The following NIPSNAP1 variants were observed in gnomAD, a reference collection of about 807,000 sequenced individuals.
The protein encoded by NIPSNAP1 is nipsnap homolog 1, also known as protein NipSnap homolog 1.
A neutral mutation model predicts 49.2 loss-of-function variants in NIPSNAP1; 25 were observed. That is an observed-to-expected ratio of 0.51 (90% CI 0.37 to 0.71). The LOEUF (loss-of-function observed/expected upper bound fraction) is 0.71, where lower values mean the gene tolerates loss of function less well. Among genes scored for constraint, NIPSNAP1 ranks in the 30% least tolerant of loss-of-function variants. The pLI is 0.00. For missense variants in NIPSNAP1, 294 were observed against 361.0 expected, an observed-to-expected ratio of 0.81 and a Z score of 1.50; for synonymous variants, 143 against 140.7, an observed-to-expected ratio of 1.02 and a Z score of -0.12.
At chr22:29,576,927 A>T (rs937320789) in intron 1 of NIPSNAP1, among the ~76,000 whole-genome samples, 7 of 149,882 alleles carry the variant, frequency 4.7e-5, no homozygotes, top group Admixed American at 1.3e-4. Context: ...TCCGTCTCAA[A>T]AAAAAAAAAA....
chr22:29,574,289 A>AAAAAAAAAAAAAAAGAAAGAAAAAG (rs2064434492), intron 1 of NIPSNAP1, among the ~76,000 whole-genome samples: 20 of 125,306 alleles, frequency 1.6e-4, no homozygotes, highest in African/African-American at 6.5e-4. Context: ...AAAAAAAAAA[A>AAAAAAAAAAAAAAAGAAAGAAAAAG]AAAGAAAGAA....
chr22:29,557,843 G>C (rs542056467), intron 9 of NIPSNAP1, among the ~76,000 whole-genome samples: 11 of 152,264 alleles, frequency 7.2e-5, no homozygotes, highest in Admixed American at 5.2e-4. Context: ...ACAGGCTCTT[G>C]TTCATTTATG....
At chr22:29,567,520 G>A (rs945276685) in intron 4 of NIPSNAP1, among the ~76,000 whole-genome samples, 1 of 152,104 alleles carries the variant, frequency 6.6e-6, no homozygotes, top group Non-Finnish European at 1.5e-5. Flanking sequence ...AGGAAATCTC[G>A]GCAGCCTTCC....
intron 4 of NIPSNAP1, among the ~76,000 whole-genome samples, chr22:29,566,894 C>T (rs188040562): frequency 3.9e-5 from 6 of 151,980 alleles, no homozygotes; most frequent in East Asian, 3.9e-4. Flanking sequence ...GAGGCTCAGG[C>T]GGGAGGATCA....
chr22:29,574,381 T>A (rs2064435895), intron 1 of NIPSNAP1, among the ~76,000 whole-genome samples: 1 of 152,066 alleles, frequency 6.6e-6, no homozygotes, highest in Non-Finnish European at 1.5e-5. Flanking sequence ...GCTAAATTTT[T>A]CTTTATTCAT....
In NIPSNAP1 at chr22:29,561,859, T is replaced by C; in HGVS notation, c.371A>G (p.His124Arg). ...GTAGCCACCTGAGAATCGCCACAGG[T>C]GCACTGTTGGGGGTGAGAGGTATAG... Reference protein sequence around the residue: ...TWYGEQDQAVHLWRFSGGYPA... With the variant: ...TWYGEQDQAVRLWRFSGGYPA... The change falls in exon 5 of 10, where the codon CAC becomes CGC. Residue 124 changes from histidine to arginine, a missense_variant. Physicochemically the swap from His to Arg is conservative, Grantham distance 29. This residue lies in a region of NIPSNAP1 where 146 missense variants were observed against 219.9 expected (regional missense o/e 0.66). Coordinates refer to ENST00000216121, the MANE Select transcript of NIPSNAP1 (RefSeq NM_003634.4). 1 of 1,613,942 alleles carries C rather than the reference T, an allele frequency of 6.2e-7. No homozygotes were observed.
intron 6 of NIPSNAP1, 85 bp from the exon 7 acceptor site, chr22:29,561,287 CT>C: frequency 6.5e-7 from 1 of 1,541,670 alleles, no homozygotes; most frequent in Non-Finnish European, 8.9e-7. Flanking sequence ...GGAAACTGCC[CT>C]GTCTCCCCAC....
At chr22:29,562,474 G>A (rs1232164358) in intron 4 of NIPSNAP1, among the ~76,000 whole-genome samples, 2 of 152,146 alleles carry the variant, frequency 1.3e-5, no homozygotes, top group Non-Finnish European at 1.5e-5. Flanking sequence ...AGCATTTTGC[G>A]GGGCTGAGGT....
At chr22:29,570,135 T>G in intron 3 of NIPSNAP1, 27 bp downstream of exon 3, 2 of 1,609,410 alleles carry the variant, frequency 1.2e-6, no homozygotes, top group Non-Finnish European at 1.7e-6. Context: ...AAGCAGGGGA[T>G]GGGATGTATG....
At chr22:29,580,344 A>T in intron 1 of NIPSNAP1, 1 of 895,440 alleles carries the variant, frequency 1.1e-6, no homozygotes, top group Non-Finnish European at 1.3e-6. Flanking sequence ...GGGCCCAAAC[A>T]AAAGCCCAGG....
rs370510258 is a variant in NIPSNAP1, at chr22:29,576,758, T to C, written c.98+4227A>G. Among the ~76,000 whole-genome samples, 11 of 151,296 alleles carry C rather than the reference T, an allele frequency of 7.3e-5. No individual in the cohort carries two copies. In the East Asian group the frequency reaches 1.9e-3, roughly 27 times the overall value. On this transcript the variant is annotated intron_variant, in intron 1 of 9. Coordinates refer to ENST00000216121, the MANE Select transcript of NIPSNAP1 (RefSeq NM_003634.4). ...GGCCAAGATGGTGAAACCCCGTCTGTACTAAAAATACAAAAAATTAGCTGG... is the reference window on the plus strand; with the variant it reads ...GGCCAAGATGGTGAAACCCCGTCTGCACTAAAAATACAAAAAATTAGCTGG...
intron 1 of NIPSNAP1, among the ~76,000 whole-genome samples, chr22:29,578,721 G>A (rs1438442432): frequency 2.0e-5 from 3 of 151,132 alleles, no homozygotes; most frequent in African/African-American, 7.4e-5. Context: ...CAATCCTGCC[G>A]AAAACACCAA....
intron 1 of NIPSNAP1, among the ~76,000 whole-genome samples, chr22:29,578,054 T>C (rs1402948699): frequency 1.3e-5 from 2 of 150,712 alleles, no homozygotes; most frequent in African/African-American, 2.5e-5. Flanking sequence ...GCACACACCA[T>C]GCCCAGCTAA....
intron 4 of NIPSNAP1, among the ~76,000 whole-genome samples, chr22:29,566,756 C>T (rs908314650): frequency 1.9e-4 from 29 of 151,796 alleles, no homozygotes; most frequent in Admixed American, 7.2e-4. Context: ...CCCGGGAGGT[C>T]AAGGGTGCAG....
At chr22:29,570,609 C>T in intron 1 of NIPSNAP1, 77 bp from the exon 2 acceptor site, 1 of 1,550,790 alleles carries the variant, frequency 6.4e-7, no homozygotes, top group Non-Finnish European at 8.7e-7. Flanking sequence ...GGATGTCCTG[C>T]TCCCCTAGAC....
Position 29,555,291 on chromosome 22 carries a change from T to C in NIPSNAP1, c.*644A>G, listed in dbSNP as rs561052524. ...AAGTTCTGAATTCTAAGTTCTACCTTCCGAGTTCCTGTTACGTGTCTGTCT... is the reference window on the plus strand; with the variant it reads ...AAGTTCTGAATTCTAAGTTCTACCTCCCGAGTTCCTGTTACGTGTCTGTCT... On this transcript the variant is annotated 3_prime_UTR_variant, in exon 10 of 10. Transcript: ENST00000216121. 1 of 153,288 alleles carries C rather than the reference T, an allele frequency of 6.5e-6. No homozygotes were observed. The highest frequency in any genetic ancestry group is 2.0e-4 in the South Asian group (1 of 4,892). 9.5% of individuals were successfully genotyped at this position (153,288 alleles called of 1,614,324 possible). A position where few individuals can be genotyped will look rare whatever the true frequency, so the allele number is the denominator to read the frequency against.
intron 4 of NIPSNAP1, chr22:29,564,234 T>C: frequency 2.3e-6 from 1 of 440,430 alleles, no homozygotes; most frequent in African/African-American, 2.0e-5. Context: ...AGCCTGACCT[T>C]CACCTGTTTT....
intron 1 of NIPSNAP1, among the ~76,000 whole-genome samples, chr22:29,571,340 A>G (rs1026562247): frequency 6.6e-6 from 1 of 152,214 alleles, no homozygotes; most frequent in African/African-American, 2.4e-5. Flanking sequence ...AGTAAAAGGC[A>G]CTGCAAAGCA....
chr22:29,572,232 G>C (rs1182837192), intron 1 of NIPSNAP1, among the ~76,000 whole-genome samples: 1 of 150,472 alleles, frequency 6.6e-6, no homozygotes, highest in East Asian at 2.0e-4. Flanking sequence ...GAACCTGAGA[G>C]GCAGAGGTTG....
Sources: gnomAD v4.1 joint callset for allele counts (sites outside exome capture counted in the v4.1 genomes callset) on GRCh38, gnomAD v4.1.1 for gene constraint, gnomAD v4.1.1 regional missense constraint, MANE v1.5 for transcripts, NCBI Gene and HGNC (gene_info 2026-07-23, HGNC 2026-07-21) for gene names.